Variants in TAFA5 observed in about 807,000 individuals in gnomAD.
TAFA5 encodes the protein chemokine-like protein TAFA-5.
Under a neutral mutation model 15.3 loss-of-function variants are expected in TAFA5, and 6 were observed. That is an observed-to-expected ratio of 0.39 (90% CI 0.21 to 0.77). The LOEUF is 0.77. Ranked by LOEUF, TAFA5 falls within the 30% of genes least tolerant of loss-of-function variation. The probability of loss-of-function intolerance (pLI) is 0.41; values close to 1 mark genes in which losing one functional copy is unlikely to be tolerated. For synonymous variants in TAFA5, 103 were observed against 80.7 expected (o/e 1.28, Z -1.48); for missense variants, 161 against 193.1 (o/e 0.83, Z 0.98).
intron 2 of TAFA5, among the ~76,000 whole-genome samples, chr22:48,684,361 C>T (rs1488444744): frequency 6.6e-6 from 1 of 152,012 alleles, no homozygotes; most frequent in African/African-American, 2.4e-5. Context: ...GAGGAGGCAG[C>T]CGTGAAGCGT....
intron 1 of TAFA5, chr22:48,576,486 G>A (rs757241535): frequency 6.8e-7 from 1 of 1,477,140 alleles, no homozygotes; most frequent in South Asian, 1.4e-5. Context: ...CCGCGATGCA[G>A]CTCCTGAAGG....
At chr22:48,660,092 T>G (rs988743763) in intron 2 of TAFA5, among the ~76,000 whole-genome samples, 1 of 150,970 alleles carries the variant, frequency 6.6e-6, no homozygotes, top group Non-Finnish European at 1.5e-5. Context: ...CAGACTCCAG[T>G]TCACCCTTCT....
At chr22:48,679,753 C>T (rs993796074) in intron 2 of TAFA5, among the ~76,000 whole-genome samples, 1 of 144,154 alleles carries the variant, frequency 6.9e-6, no homozygotes, top group Non-Finnish European at 1.5e-5. Context: ...GGCTCCCCAG[C>T]TCCCCGTCCA....
intron 1 of TAFA5, among the ~76,000 whole-genome samples, chr22:48,596,015 T>C (rs948258417): frequency 2.6e-5 from 4 of 152,264 alleles, no homozygotes; most frequent in Non-Finnish European, 4.4e-5. Flanking sequence ...TCTTAACTTT[T>C]GTATTAAGAA....
intron 1 of TAFA5, among the ~76,000 whole-genome samples, chr22:48,641,652 A>ACACACGATGCCGTCCCCTCG (rs1459878330): frequency 8.8e-6 from 1 of 113,422 alleles, no homozygotes; most frequent in African/African-American, 3.4e-5. Context: ...CCCTCCCCTC[A>ACACACGATGCCGTCCCCTCG]CACACGATGC....
At chr22:48,736,536 G>T (rs568459510) in intron 3 of TAFA5, among the ~76,000 whole-genome samples, 5 of 151,944 alleles carry the variant, frequency 3.3e-5, no homozygotes, top group African/African-American at 1.2e-4. Flanking sequence ...ACCTGTACAC[G>T]CCTGTTCTTA....
Position 48,738,469 on chromosome 22 carries a change from G to A in TAFA5, c.391-11370G>A, listed in dbSNP as rs965149900. Among the ~76,000 whole-genome samples, 16 of 152,186 alleles carry A rather than the reference G, an allele frequency of 1.1e-4. No individual in the cohort carries two copies. The East Asian group carries it at 2.5e-3, about 24-fold the overall frequency. On this transcript the variant is annotated intron_variant, in intron 3 of 3. Coordinates refer to ENST00000402357, the MANE Select transcript of TAFA5 (RefSeq NM_001082967.3). ...ACAGCAAGGGAAGGTCGAAGGCCAC[G>A]CCTGTGCTCCTGAGTCTCATCTCGC...
At chr22:48,564,193 T>C (rs1012945278) in intron 1 of TAFA5, among the ~76,000 whole-genome samples, 2 of 152,148 alleles carry the variant, frequency 1.3e-5, no homozygotes, top group African/African-American at 4.8e-5. Flanking sequence ...CCAATGAGAA[T>C]GAGCAAAGGC....
chr22:48,740,310 C>T (rs6010469), intron 3 of TAFA5, among the ~76,000 whole-genome samples: 2,185 of 152,294 alleles, frequency 0.014, 51 homozygotes, highest in African/African-American at 0.046. Flanking sequence ...CTGGGGCAGA[C>T]GAGCTGGTCG....
intron 1 of TAFA5, among the ~76,000 whole-genome samples, chr22:48,559,682 G>C (rs1923158685): frequency 6.6e-6 from 1 of 152,142 alleles, no homozygotes; most frequent in African/African-American, 2.4e-5. Context: ...GTTTGGCTGA[G>C]CCTTGAGGAG....
At position 48,698,688 on chromosome 22, in the gene TAFA5, TG is replaced by T. The variant is rs533858751; in HGVS notation, c.263-9024del. On this transcript the variant is annotated intron_variant, in intron 2 of 3. Coordinates refer to ENST00000402357, the MANE Select transcript of TAFA5 (RefSeq NM_001082967.3). Reference sequence around the variant, plus strand: ...GATGAGTATGTAGATTGAGGGTGCCTGGGGGTCAGGGGGAGGTCCTGCGAGC... The same window carrying T: ...GATGAGTATGTAGATTGAGGGTGCCTGGGGTCAGGGGGAGGTCCTGCGAGC... Among the ~76,000 whole-genome samples, 2 of 24,822 alleles carry T rather than the reference TG, an allele frequency of 8.1e-5. 1 individual carries two copies. Among genetic ancestry groups the T allele is most frequent in the East Asian group, 2.4e-3 (2 of 842 alleles). 16.3% of individuals were successfully genotyped at this position (24,822 alleles called of 152,430 possible). A position where few individuals can be genotyped will look rare whatever the true frequency, so the allele number is the denominator to read the frequency against.
At chr22:48,748,340 G>A (rs559814730) in intron 3 of TAFA5, among the ~76,000 whole-genome samples, 25 of 152,364 alleles carry the variant, frequency 1.6e-4, no homozygotes, top group Non-Finnish European at 2.8e-4. Context: ...ATGACCGAGC[G>A]CCCGTGGACC....
At position 48,652,471 on chromosome 22, in the gene TAFA5, C is replaced by T. The variant is rs117901999; in HGVS notation, c.262+5725C>T. 2.5e-3 allele frequency among the ~76,000 whole-genome samples: 376 copies of T among 152,334 alleles called. 10 individuals carry two copies. In the East Asian group the frequency reaches 0.058, roughly 24 times the overall value. On this transcript the variant is annotated intron_variant, in intron 2 of 3. Transcript: ENST00000402357. ...GACATCTGTTTGACCACAGAGCTCA[C>T]AGGAGACCGCCTGCTGGCAGTTGGC...
chr22:48,571,574 G>GTT (rs57578802), intron 1 of TAFA5, among the ~76,000 whole-genome samples: 2,194 of 28,900 alleles, frequency 0.076, 491 homozygotes, highest in Middle Eastern at 0.12. Flanking sequence ...TGCCTGGCCT[G>GTT]TTTTTTTTTT....
chr22:48,497,498 C>A (rs936805180), intron 1 of TAFA5, among the ~76,000 whole-genome samples: 2 of 135,464 alleles, frequency 1.5e-5, no homozygotes, highest in African/African-American at 2.7e-5. Flanking sequence ...GGCCTGGGGG[C>A]GGGGCTGAGG....
intron 1 of TAFA5, among the ~76,000 whole-genome samples, chr22:48,639,975 G>A (rs2147197148): frequency 6.6e-6 from 1 of 152,298 alleles, no homozygotes; most frequent in Middle Eastern, 3.4e-3. Context: ...TGTGGCATCA[G>A]CTCTGTGAGC....
intron 1 of TAFA5, chr22:48,539,439 C>T (rs1389160312): frequency 2.1e-6 from 1 of 471,212 alleles, no homozygotes; most frequent in South Asian, 1.5e-5. Flanking sequence ...TTTGATTTCC[C>T]TCTTGGCATC....
At chr22:48,652,615 C>A (rs373375179) in intron 2 of TAFA5, among the ~76,000 whole-genome samples, 3 of 152,186 alleles carry the variant, frequency 2.0e-5, no homozygotes, top group Non-Finnish European at 4.4e-5. Context: ...TCATCGAGGC[C>A]CTGATCTGAG....
intron 1 of TAFA5, among the ~76,000 whole-genome samples, chr22:48,517,740 C>G (rs1392514037): frequency 1.3e-5 from 2 of 152,152 alleles, no homozygotes; most frequent in Non-Finnish European, 2.9e-5. Context: ...ATCCAGCAGC[C>G]GCGGTGAGGC....
Sources: allele counts gnomAD v4.1 joint callset (sites outside exome capture counted in the v4.1 genomes callset), GRCh38; gene constraint gnomAD v4.1.1; transcripts MANE v1.5; gene names NCBI Gene and HGNC (gene_info 2026-07-23, HGNC 2026-07-21).